PRC1: variants seen among roughly 807,000 people sequenced by gnomAD.
PRC1 encodes the protein anaphase spindle elongation 1 homolog.
Under a neutral mutation model 91.2 loss-of-function variants are expected in PRC1, and 54 were observed. That is an observed-to-expected ratio of 0.59 (90% CI 0.48 to 0.74). The LOEUF is 0.74. Among genes scored for constraint, PRC1 ranks in the 30% least tolerant of loss-of-function variants. PRC1 has a pLI of 0.00. For synonymous variants in PRC1, 275 were observed against 263.6 expected, an observed-to-expected ratio of 1.04 and a Z score of -0.42; for missense variants, 727 against 746.2, an observed-to-expected ratio of 0.97 and a Z score of 0.30.
intron 1 of PRC1, among the ~76,000 whole-genome samples, chr15:90,991,423 CA>C (rs35404872): frequency 5.9e-4 from 78 of 131,892 alleles, no homozygotes; most frequent in Non-Finnish European, 5.4e-4. Context: ...AGACTGTCTC[CA>C]AAAAAAAAAA....
Position 90,984,941 on chromosome 15 carries a change from T to A in PRC1, c.12-116A>T. ...TCAGTGGCCTCGAGAAAAAAACAAA[T>A]TGAAAACAAGCATTCAGCTTAATTC... is the stretch of plus-strand genomic sequence containing the variant. On this transcript the variant is annotated intron_variant, in intron 1 of 14. Transcript: ENST00000394249. This position sits in a 1 kb window ranked among gnomAD's most constrained non-coding sequence, Gnocchi z 5.1. 1 of 1,327,434 alleles carries A rather than the reference T, an allele frequency of 7.5e-7. No homozygotes were observed. Among genetic ancestry groups the A allele is most frequent in the Non-Finnish European group, 1.0e-6 (1 of 967,158 alleles). 82.2% of individuals were successfully genotyped at this position (1,327,434 alleles called of 1,614,324 possible).
chr15:90,986,960 C>T (rs1186820389), intron 1 of PRC1, among the ~76,000 whole-genome samples: 1 of 151,598 alleles, frequency 6.6e-6, no homozygotes, highest in Non-Finnish European at 1.5e-5. Flanking sequence ...TATGTGATTC[C>T]GTTGACAGAG....
At position 90,979,542 on chromosome 15, in the gene PRC1, A is replaced by G. The variant is rs578030764; in HGVS notation, c.971-248T>C. On this transcript the variant is annotated intron_variant, in intron 7 of 14. Coordinates refer to ENST00000394249, the MANE Select transcript of PRC1 (RefSeq NM_003981.4). ...TAAAATAATGTTGTCAAAAATCTGC[A>G]TCATCTCTTGCCTTGTCTTCGGTTT... 9.8e-5 allele frequency among the ~76,000 whole-genome samples: 15 copies of G among 152,346 alleles called. No individual in the cohort carries two copies. In the South Asian group the frequency reaches 2.5e-3, roughly 25 times the overall value.
chr15:90,981,493 C>G lies in PRC1; in HGVS notation c.672+6G>C. On this transcript the variant is annotated splice_donor_region_variant and intron_variant, in intron 5 of 14. Coordinates refer to ENST00000394249, the MANE Select transcript of PRC1 (RefSeq NM_003981.4). The stretch of plus-strand genomic sequence containing the variant: ...GATCCTAGGGCATAATTTGAGAAGA[C>G]AGTACCTGCCGTAGCAACTTTTGTA... 1 of 1,613,602 alleles carries G rather than the reference C, an allele frequency of 6.2e-7. No individual in the cohort carries two copies. The highest frequency in any genetic ancestry group is 8.5e-7 in the Non-Finnish European group (1 of 1,180,008).
chr15:90,967,112 G>C lies in PRC1; in HGVS notation c.*19C>G, dbSNP rs755859512. The C allele has an allele frequency of 6.2e-7, 1 of 1,607,778 alleles. No homozygotes were observed. Among genetic ancestry groups the C allele is most frequent in the Non-Finnish European group, 8.5e-7 (1 of 1,174,172 alleles). ...GTCTAGGCACAGGAAGCCACAGCTG[G>C]TTGACTGATCAGGGCTTCTCAGGAC... On this transcript the variant is annotated 3_prime_UTR_variant, in exon 15 of 15. Transcript: ENST00000394249.
chr15:90,979,548 TCTTGC>T (rs2039015624), intron 7 of PRC1, among the ~76,000 whole-genome samples: 1 of 152,228 alleles, frequency 6.6e-6, no homozygotes, highest in Non-Finnish European at 1.5e-5. Flanking sequence ...CTGCATCATC[TCTTGC>T]CTTGTCTTCG....
intron 1 of PRC1, among the ~76,000 whole-genome samples, chr15:90,992,266 A>G (rs1370822894): frequency 6.6e-6 from 1 of 152,142 alleles, no homozygotes; most frequent in Non-Finnish European, 1.5e-5. Context: ...TTTAAGACTA[A>G]CTTATTTATT....
chr15:90,983,045 G>A (rs7180016), intron 3 of PRC1, among the ~76,000 whole-genome samples: 51,426 of 151,988 alleles, frequency 0.34, 11,893 homozygotes, highest in African/African-American at 0.64. Flanking sequence ...GGAGATGATC[G>A]TTGTACACCT....
intron 1 of PRC1, among the ~76,000 whole-genome samples, chr15:90,993,786 T>C (rs1407653279): frequency 1.3e-5 from 2 of 152,008 alleles, no homozygotes; most frequent in East Asian, 1.9e-4. Flanking sequence ...TGGCCAGATA[T>C]AAAGAAAAAC....
chr15:90,978,180 T>C (rs1011543033), intron 8 of PRC1, among the ~76,000 whole-genome samples: 2 of 152,204 alleles, frequency 1.3e-5, no homozygotes, highest in Non-Finnish European at 2.9e-5. Flanking sequence ...GAACCCACCA[T>C]GTTGCCTATC....
intron 8 of PRC1, among the ~76,000 whole-genome samples, chr15:90,977,984 A>G (rs748099387): frequency 3.9e-5 from 6 of 152,202 alleles, no homozygotes; most frequent in Non-Finnish European, 8.8e-5. Flanking sequence ...GATATCCCAT[A>G]GTTCTCTCCA....
chr15:90,980,753 G>T, intron 6 of PRC1, 131 bp downstream of exon 6: 1 of 1,272,716 alleles, frequency 7.9e-7, no homozygotes, highest in Non-Finnish European at 1.1e-6. Context: ...TGATTCACCT[G>T]CCTCGGCCTC....
Position 90,981,817 on chromosome 15 carries a change from A to T in PRC1, c.432T>A (p.Ser144Arg). The change falls in exon 4 of 15, where the codon AGT (serine) becomes AGA (arginine). Residue 144 changes from serine to arginine, a missense_variant. Coordinates refer to ENST00000394249, the MANE Select transcript of PRC1 (RefSeq NM_003981.4). ...GCTCTTCTAAGCTGGGCACTGAGGC[A>T]CTGTCAATATCATAGTGGGGCATAC... is the stretch of plus-strand genomic sequence containing the variant. ...ILCMPHYDIDSASVPSLEELN... is the reference protein window; with the variant it reads ...ILCMPHYDIDRASVPSLEELN... 6.2e-7 allele frequency: 1 copy of T among 1,614,230 alleles called. No homozygotes were observed. Among genetic ancestry groups the T allele is most frequent in the Non-Finnish European group, 8.5e-7 (1 of 1,180,038 alleles).
Position 90,974,393 on chromosome 15 carries a change from G to GTCCCCGGC in PRC1, c.1351-155_1351-148dup. 1 of 1,089,756 alleles carries GTCCCCGGC rather than the reference G, an allele frequency of 9.2e-7. No individual in the cohort carries two copies. Among genetic ancestry groups the GTCCCCGGC allele is most frequent in the Admixed American group, 2.4e-5 (1 of 42,518 alleles). The allele number at this position is 1,089,756 out of a possible 1,614,324, so 67.5% of individuals were successfully genotyped here. ...CGGGCTCCCCGTTCCACAAGCCCCGGTCCCCGGCTCCCCGTTCCACAAGCC... is the reference window on the plus strand; with the variant it reads ...CGGGCTCCCCGTTCCACAAGCCCCGGTCCCCGGCTCCCCGGCTCCCCGTTCCACAAGCC... On this transcript the variant is annotated intron_variant, in intron 10 of 14. Transcript: ENST00000394249. The surrounding 1 kb of genome is among the most constrained non-coding windows in gnomAD (Gnocchi z 4.6).
At chr15:90,975,440 C>T (rs1175185571) in intron 9 of PRC1, among the ~76,000 whole-genome samples, 2 of 152,068 alleles carry the variant, frequency 1.3e-5, no homozygotes, top group East Asian at 1.9e-4. Context: ...GAAAGAATAC[C>T]GACCTCATAA....
chr15:90,966,624 A>C lies in PRC1; in HGVS notation c.*507T>G, dbSNP rs1423769061. On this transcript the variant is annotated 3_prime_UTR_variant, in exon 15 of 15. Transcript: ENST00000394249. ...CAGGCCATCTCAACTTCGGACACAC[A>C]AAGACATTCTCTTCAGGAGGAAGGC... is the stretch of plus-strand genomic sequence containing the variant. The C allele has an allele frequency of 2.2e-6, 1 of 456,170 alleles. No homozygotes were observed. Among genetic ancestry groups the C allele is most frequent in the Non-Finnish European group, 4.4e-6 (1 of 226,876 alleles). 28.3% of individuals were successfully genotyped at this position (456,170 alleles called of 1,614,324 possible).
rs955167253 is a variant in PRC1, at chr15:90,966,462, C to T, written c.*669G>A. On this transcript the variant is annotated 3_prime_UTR_variant, in exon 15 of 15. Transcript: ENST00000394249. ...GGGGAGATGAGAGCCAAGGGACAAA[C>T]GCCGAGAAAGCGTTCCGACAAGCAT... 12 of 391,672 alleles carry T rather than the reference C, an allele frequency of 3.1e-5. No homozygotes were observed. Among genetic ancestry groups the T allele is most frequent in the East Asian group, 7.8e-5 (1 of 12,774 alleles). The allele number at this position is 391,672 out of a possible 1,614,324, so 24.3% of individuals were successfully genotyped here. A position where few individuals can be genotyped will look rare whatever the true frequency, so the allele number is the denominator to read the frequency against.
At position 90,984,615 on chromosome 15, in the gene PRC1, C is replaced by T; in HGVS notation, c.144+78G>A. 23 of 1,563,512 alleles carry T rather than the reference C, an allele frequency of 1.5e-5. No homozygotes were observed. The highest frequency in any genetic ancestry group is 2.0e-5 in the Non-Finnish European group (23 of 1,147,140). On this transcript the variant is annotated intron_variant, in intron 2 of 14. Transcript: ENST00000394249. The surrounding 1 kb of genome is among the most constrained non-coding windows in gnomAD (Gnocchi z 5.1). ...ATCCTAATGCCGATGATCACATGTCCCTTCTGTATGCTATCTCGGGTGAGA... is the reference window on the plus strand; with the variant it reads ...ATCCTAATGCCGATGATCACATGTCTCTTCTGTATGCTATCTCGGGTGAGA...
At chr15:90,976,057 C>T (rs574386990) in intron 9 of PRC1, among the ~76,000 whole-genome samples, 5 of 152,140 alleles carry the variant, frequency 3.3e-5, no homozygotes, top group Admixed American at 3.3e-4. Flanking sequence ...TTGCTGTTGT[C>T]GAAACTGCCC....
Sources: gnomAD v4.1 joint callset for allele counts (sites outside exome capture counted in the v4.1 genomes callset) on GRCh38, gnomAD v4.1.1 for gene constraint, Gnocchi (gnomAD v3.1) non-coding constraint, MANE v1.5 for transcripts, NCBI Gene and HGNC (gene_info 2026-07-23, HGNC 2026-07-21) for gene names.